Variants in L3HYPDH observed in about 807,000 individuals in gnomAD.
The protein encoded by L3HYPDH is trans-3-hydroxy-L-proline dehydratase.
Under a neutral mutation model 26.5 loss-of-function variants are expected in L3HYPDH, and 32 were observed. The observed-to-expected ratio is 1.21, with a 90% confidence interval of 0.91 to 1.62. L3HYPDH has a LOEUF of 1.62. Among genes scored for constraint, L3HYPDH ranks in the 40% most tolerant of loss-of-function variants. The pLI is 0.00. For synonymous variants in L3HYPDH, 215 were observed against 196.6 expected (o/e 1.09, Z -0.78); for missense variants, 554 against 476.4 (o/e 1.16, Z -1.52).
chr14:59,488,316 C>T (rs892477857), upstream of L3HYPDH, among the ~76,000 whole-genome samples: 6 of 151,958 alleles, frequency 3.9e-5, no homozygotes, highest in African/African-American at 1.5e-4. Flanking sequence ...ACTGACATGG[C>T]TTATAGTCAT....
At chr14:59,503,796 AG>A in the L3HYPDH span, 1 of 1,006,432 alleles carries the variant, frequency 9.9e-7, no homozygotes, top group Non-Finnish European at 1.5e-6. Flanking sequence ...TAAATTACCC[AG>A]CTGACTTAGC....
chr14:59,484,532 G>A, upstream of L3HYPDH: 8 of 1,556,864 alleles, frequency 5.1e-6, no homozygotes, highest in Non-Finnish European at 6.1e-6. Context: ...CCGGATGTTC[G>A]GTGCAGCTGC....
At chr14:59,502,755 T>TGTTTTTTTTTTTTTGTTTTTG in the L3HYPDH span, among the ~76,000 whole-genome samples, 4,604 of 122,748 alleles carry the variant, frequency 0.038, 215 homozygotes, top group Middle Eastern at 0.068. Context: ...ATGAGATTTT[T>TGTTTTTTTTTTTTTGTTTTTG]TTTTTTTTTT....
At chr14:59,472,244 G>T (rs1377855354), downstream of L3HYPDH, among the ~76,000 whole-genome samples, 1 of 152,176 alleles carries the variant, frequency 6.6e-6, no homozygotes, top group Non-Finnish European at 1.5e-5. Context: ...TAGAGTATGA[G>T]ACTCATTCCA....
chr14:59,488,505 G>A (rs1890752509), upstream of L3HYPDH, among the ~76,000 whole-genome samples: 1 of 152,160 alleles, frequency 6.6e-6, no homozygotes, highest in Admixed American at 6.6e-5. Context: ...ATGAATAATG[G>A]CATAGAGGTA....
chr14:59,502,681 T>C, the L3HYPDH span, among the ~76,000 whole-genome samples: 2 of 151,888 alleles, frequency 1.3e-5, no homozygotes, highest in African/African-American at 4.8e-5. Flanking sequence ...GTTTTGGCGC[T>C]TTTATCAACT....
chr14:59,470,850 G>C (rs895009308), downstream of L3HYPDH, among the ~76,000 whole-genome samples: 1 of 151,284 alleles, frequency 6.6e-6, no homozygotes, highest in African/African-American at 2.4e-5. Context: ...AGCAGTGACA[G>C]CCATCCACAG....
upstream of L3HYPDH, chr14:59,484,925 GA>G: frequency 6.8e-7 from 1 of 1,462,762 alleles, no homozygotes. Context: ...TGATAGTGCA[GA>G]AAAAACAGTA....
At chr14:59,467,670 G>C (rs1481181293), downstream of L3HYPDH, among the ~76,000 whole-genome samples, 1 of 152,048 alleles carries the variant, frequency 6.6e-6, no homozygotes. Context: ...TTATGTCTGT[G>C]GCCCCAACCT....
At position 59,477,036 on chromosome 14, in the gene L3HYPDH, G is replaced by A. The variant is rs1477304397; in HGVS notation, c.679-822C>T. Among the ~76,000 whole-genome samples the A allele has an allele frequency of 2.0e-5, 3 of 152,322 alleles. No homozygotes were observed. In the East Asian group the frequency reaches 5.8e-4, roughly 29 times the overall value. On this transcript the variant is annotated intron_variant, in intron 2 of 4. Transcript: ENST00000247194. ...ACATGTCATTTAAAGCAATGGAACA[G>A]CTTTGGGTTCTTAACATCCAAAGAG... is the stretch of plus-strand genomic sequence containing the variant.
the L3HYPDH span, chr14:59,498,842 A>G: frequency 1.9e-6 from 3 of 1,612,774 alleles, no homozygotes; most frequent in Non-Finnish European, 1.7e-6. Context: ...ATTTAAAAGT[A>G]TTTATGCTGC....
chr14:59,485,006 A>G, upstream of L3HYPDH: 1 of 1,585,740 alleles, frequency 6.3e-7, no homozygotes, highest in Non-Finnish European at 8.5e-7. Flanking sequence ...AGCGCCCGTC[A>G]CAAAGGGCAG....
At chr14:59,504,185 A>G in the L3HYPDH span, 3 of 672,422 alleles carry the variant, frequency 4.5e-6, no homozygotes, top group South Asian at 1.9e-5. Flanking sequence ...GATTGTCAGT[A>G]TATCTTAATG....
chr14:59,482,361 C>T (rs1451105067), intron 1 of L3HYPDH, among the ~76,000 whole-genome samples: 1 of 152,168 alleles, frequency 6.6e-6, no homozygotes, highest in African/African-American at 2.4e-5. Flanking sequence ...TACTGTCATA[C>T]AGTGATGCTC....
At chr14:59,482,780 C>G (rs1244838843) in intron 1 of L3HYPDH, among the ~76,000 whole-genome samples, 2 of 152,172 alleles carry the variant, frequency 1.3e-5, no homozygotes, top group African/African-American at 2.4e-5. Context: ...CAGGGGGAAT[C>G]AAGGTCCAAC....
intron 1 of L3HYPDH, among the ~76,000 whole-genome samples, chr14:59,480,472 T>G (rs563062777): frequency 3.3e-5 from 5 of 152,194 alleles, no homozygotes; most frequent in Non-Finnish European, 7.4e-5. Flanking sequence ...GCCACAGCAC[T>G]TTTAAGAAAC....
At chr14:59,481,364 T>G (rs1890007240) in intron 1 of L3HYPDH, among the ~76,000 whole-genome samples, 1 of 152,222 alleles carries the variant, frequency 6.6e-6, no homozygotes, top group South Asian at 2.1e-4. Flanking sequence ...ACTACAGCCC[T>G]GAGAGGTAGG....
At chr14:59,492,861 G>A in the L3HYPDH span, among the ~76,000 whole-genome samples, 27 of 148,340 alleles carry the variant, frequency 1.8e-4, 1 homozygote, top group East Asian at 2.2e-3. Context: ...GCGGTGGTGC[G>A]ACCTCGGCTC....
intron 2 of L3HYPDH, 24 bp from the exon 3 acceptor site, chr14:59,476,238 C>CCAA: frequency 1.1e-6 from 1 of 885,704 alleles, no homozygotes; most frequent in Non-Finnish European, 1.6e-6. Flanking sequence ...AAAAAGATCA[C>CCAA]ATGCAAAATA....
Sources: allele counts gnomAD v4.1 joint callset (sites outside exome capture counted in the v4.1 genomes callset), GRCh38; gene constraint gnomAD v4.1.1; transcripts MANE v1.5; gene names NCBI Gene and HGNC (gene_info 2026-07-23, HGNC 2026-07-21).